Variants in CD44 observed in about 807,000 individuals in gnomAD.
CD44 encodes CD44 molecule (IN blood group).
A neutral mutation model predicts 88.8 loss-of-function variants in CD44; 49 were observed. The observed-to-expected ratio is 0.55, with a 90% CI of 0.44 to 0.70. The LOEUF (loss-of-function observed/expected upper bound fraction) is 0.70, where lower values mean the gene tolerates loss of function less well. Ranked by LOEUF, CD44 falls within the 30% of genes least tolerant of loss-of-function variation. The probability of loss-of-function intolerance (pLI) is 0.00; values close to 1 mark genes in which losing one functional copy is unlikely to be tolerated. For missense variants in CD44, 883 were observed against 913.8 expected, an observed-to-expected ratio of 0.97 and a Z score of 0.43; for synonymous variants, 325 against 312.3, an observed-to-expected ratio of 1.04 and a Z score of -0.43.
At chr11:35,144,522 C>G (rs986172379) in intron 1 of CD44, among the ~76,000 whole-genome samples, 18 of 152,220 alleles carry the variant, frequency 1.2e-4, no homozygotes, top group Admixed American at 2.0e-4. Flanking sequence ...TTGAATCCCA[C>G]TTTTCACTCA....
intron 5 of CD44, among the ~76,000 whole-genome samples, chr11:35,191,272 G>A (rs1946246624): frequency 6.6e-6 from 1 of 152,200 alleles, no homozygotes; most frequent in Non-Finnish European, 1.5e-5. Context: ...AAGGTCACTT[G>A]CGCAATAGTG....
In CD44 at chr11:35,231,938, G is replaced by A. The variant is rs530868771; in HGVS notation, c.*2605G>A. On this transcript the variant is annotated 3_prime_UTR_variant, in exon 18 of 18. Coordinates refer to ENST00000428726, the MANE Select transcript of CD44 (RefSeq NM_000610.4). Reference sequence around the variant, plus strand: ...ATCAAAAGAGACAAAAGACATCTTCGAATCCATATTTCAAGCCTGGTAGAA... The same window carrying A: ...ATCAAAAGAGACAAAAGACATCTTCAAATCCATATTTCAAGCCTGGTAGAA... 4 of 152,248 alleles carry A rather than the reference G, an allele frequency of 2.6e-5. No individual in the cohort carries two copies. Among genetic ancestry groups the A allele is most frequent in the South Asian group, 4.1e-4 (2 of 4,822 alleles). 9.4% of individuals were successfully genotyped at this position (152,248 alleles called of 1,614,324 possible).
intron 1 of CD44, among the ~76,000 whole-genome samples, chr11:35,175,864 CTTT>C (rs71457374): frequency 0.076 from 9,312 of 122,964 alleles, 315 homozygotes; most frequent in Non-Finnish European, 0.098. Flanking sequence ...TTTGTTTGTT[CTTT>C]TTTTTTTTTT....
At chr11:35,163,492 T>C (rs929498228) in intron 1 of CD44, among the ~76,000 whole-genome samples, 16 of 152,252 alleles carry the variant, frequency 1.1e-4, no homozygotes, top group African/African-American at 3.4e-4. Context: ...ATGGCATCTG[T>C]CCTGGGAAGA....
intron 1 of CD44, among the ~76,000 whole-genome samples, chr11:35,147,148 G>T (rs1034821876): frequency 1.3e-5 from 2 of 152,214 alleles, no homozygotes; most frequent in African/African-American, 4.8e-5. Context: ...GAAAGGTAAA[G>T]GTGGCTGATT....
At chr11:35,213,294 C>A (rs1384573208) in intron 14 of CD44, among the ~76,000 whole-genome samples, 1 of 152,208 alleles carries the variant, frequency 6.6e-6, no homozygotes, top group Non-Finnish European at 1.5e-5. Context: ...ATGGATTAGA[C>A]AATTAAGTCA....
intron 17 of CD44, among the ~76,000 whole-genome samples, chr11:35,227,599 T>C (rs1452628270): frequency 6.6e-6 from 1 of 152,232 alleles, no homozygotes; most frequent in African/African-American, 2.4e-5. Context: ...TCAAGCCTTA[T>C]GCTAGAGGAG....
intron 1 of CD44, among the ~76,000 whole-genome samples, chr11:35,171,462 C>T (rs182686167): frequency 1.3e-5 from 2 of 152,268 alleles, no homozygotes; most frequent in Admixed American, 1.3e-4. Flanking sequence ...TTTGCAGATA[C>T]CTACAATGTG....
intron 3 of CD44, among the ~76,000 whole-genome samples, chr11:35,185,666 C>T (rs910616584): frequency 1.3e-5 from 2 of 152,130 alleles, no homozygotes; most frequent in East Asian, 3.9e-4. Context: ...AGAAACTAAC[C>T]TAACAAATAA....
At chr11:35,205,788 A>G in intron 10 of CD44, 2 of 1,007,360 alleles carry the variant, frequency 2.0e-6, no homozygotes, top group Non-Finnish European at 2.4e-6. Context: ...CCTTTAGGGG[A>G]CTGTGGCAGC....
chr11:35,178,260 A>G lies in CD44; in HGVS notation c.233+1520A>G, dbSNP rs547121491. Reference sequence around the variant, plus strand: ...ACTTGCAAAATATAGATATGCTGCCATGTGCTGAGGACCAGGGGAGTTCTT... The same window carrying G: ...ACTTGCAAAATATAGATATGCTGCCGTGTGCTGAGGACCAGGGGAGTTCTT... On this transcript the variant is annotated intron_variant, in intron 2 of 17. Coordinates refer to ENST00000428726, the MANE Select transcript of CD44 (RefSeq NM_000610.4). Among the ~76,000 whole-genome samples the G allele has an allele frequency of 3.9e-5, 6 of 152,384 alleles. 1 individual carries two copies. In the East Asian group the frequency reaches 1.2e-3, roughly 29 times the overall value.
chr11:35,219,247 G>A, intron 15 of CD44, 69 bp from the exon 16 acceptor site: 1 of 1,158,494 alleles, frequency 8.6e-7, no homozygotes, highest in Non-Finnish European at 1.3e-6. Flanking sequence ...TGCCCTTTAT[G>A]CAGCTCCACA....
At chr11:35,149,328 G>A (rs1342117336) in intron 1 of CD44, among the ~76,000 whole-genome samples, 1 of 152,186 alleles carries the variant, frequency 6.6e-6, no homozygotes, top group Non-Finnish European at 1.5e-5. Flanking sequence ...AAGATGAGGA[G>A]GTCTGGCTTT....
At chr11:35,157,336 T>TATCC (rs1352225059) in intron 1 of CD44, among the ~76,000 whole-genome samples, 1 of 151,766 alleles carries the variant, frequency 6.6e-6, no homozygotes, top group South Asian at 2.1e-4. Flanking sequence ...TCTATCTATC[T>TATCC]ATCTATCTAT....
At chr11:35,228,532 G>A (rs2134470047) in intron 17 of CD44, among the ~76,000 whole-genome samples, 1 of 152,290 alleles carries the variant, frequency 6.6e-6, no homozygotes, top group Non-Finnish European at 1.5e-5. Context: ...CTGCTAAAAT[G>A]CTTAAAAGAG....
At chr11:35,199,684 G>T (rs1429899227) in intron 7 of CD44, among the ~76,000 whole-genome samples, 1 of 152,068 alleles carries the variant, frequency 6.6e-6, no homozygotes, top group Non-Finnish European at 1.5e-5. Flanking sequence ...CCCCTCCAGA[G>T]CTTAATCTAT....
chr11:35,139,184 G>T lies in CD44; in HGVS notation c.-120G>T. ...TTCCGAGGCAGCCTCATTGCCCAGC[G>T]GACCCCAGCCTCTGCCAGGTTCGGT... On this transcript the variant is annotated 5_prime_UTR_variant, in exon 1 of 18. Coordinates refer to ENST00000428726, the MANE Select transcript of CD44 (RefSeq NM_000610.4). 1.4e-6 allele frequency: 1 copy of T among 737,420 alleles called. No homozygotes were observed. The highest frequency in any genetic ancestry group is 2.4e-6 in the Non-Finnish European group (1 of 422,128). 45.7% of individuals were successfully genotyped at this position (737,420 alleles called of 1,614,324 possible).
rs1219094859 is a variant in CD44 at position 35,196,789 on chromosome 11, G to A, written c.711G>A (p.Lys237=). 2.5e-6 allele frequency: 4 copies of A among 1,613,716 alleles called. No homozygotes were observed. The highest frequency in any genetic ancestry group is 3.4e-6 in the Non-Finnish European group (4 of 1,179,790). Residue 237 remains lysine (K), a synonymous_variant, in exon 6 of 18, where the codon AAG becomes AAA. Coordinates refer to ENST00000428726, the MANE Select transcript of CD44 (RefSeq NM_000610.4). ...TSATATETAT[K]RQETWDWFSW... ...CTACAGCAACTGAGACAGCAACCAA[G>A]AGGCAAGAAACCTGGGATTGGTTTT...
chr11:35,176,933 T>C (rs1164282359), intron 2 of CD44, 193 bp downstream of exon 2: 1 of 561,766 alleles, frequency 1.8e-6, no homozygotes, highest in Non-Finnish European at 3.1e-6. Context: ...AAGACACCTT[T>C]GTGAATCATA....
Sources: allele counts gnomAD v4.1 joint callset (sites outside exome capture counted in the v4.1 genomes callset), GRCh38; gene constraint gnomAD v4.1.1; transcripts MANE v1.5; gene names NCBI Gene and HGNC (gene_info 2026-07-23, HGNC 2026-07-21).